Variants in AP2B1 observed in about 807,000 individuals in gnomAD.
AP2B1 encodes the protein adaptor related protein complex 2 subunit beta 1, also known as AP-2 complex subunit beta.
AP2B1 carries 23 observed loss-of-function variants against 102.0 expected under a neutral mutation model. The observed-to-expected ratio is 0.23, with a 90% confidence interval of 0.16 to 0.32. AP2B1 has a LOEUF of 0.32. Ranked by LOEUF, AP2B1 falls within the 10% of genes least tolerant of loss-of-function variation. AP2B1 has a pLI of 1.00. For missense variants in AP2B1, 541 were observed against 1,157.4 expected (o/e 0.47, Z 7.73); for synonymous variants, 381 against 421.2 (o/e 0.90, Z 1.17).
intron 18 of AP2B1, among the ~76,000 whole-genome samples, chr17:35,695,937 A>G (rs1183347478): frequency 6.6e-6 from 1 of 152,184 alleles, no homozygotes; most frequent in South Asian, 2.1e-4. Context: ...AGTAGGGTTT[A>G]CTGTTAAACT....
chr17:35,620,010 T>C (rs2074129278), intron 5 of AP2B1, among the ~76,000 whole-genome samples: 1 of 152,184 alleles, frequency 6.6e-6, no homozygotes, highest in Non-Finnish European at 1.5e-5. Context: ...GATCCCAAGC[T>C]TCTGGCCTCA....
intron 17 of AP2B1, among the ~76,000 whole-genome samples, chr17:35,677,865 T>C (rs376258952): frequency 4.0e-5 from 6 of 151,764 alleles, no homozygotes; most frequent in Non-Finnish European, 5.9e-5. Flanking sequence ...AAATAGTTTT[T>C]TTTTTTTTTT....
chr17:35,603,269 G>A (rs1349768143), intron 3 of AP2B1, among the ~76,000 whole-genome samples: 2 of 152,132 alleles, frequency 1.3e-5, no homozygotes, highest in African/African-American at 4.8e-5. Context: ...CTAGTAGCAA[G>A]ATGTTTAGCA....
chr17:35,653,771 C>T (rs1347880475), intron 13 of AP2B1, among the ~76,000 whole-genome samples: 1 of 152,050 alleles, frequency 6.6e-6, no homozygotes, highest in African/African-American at 2.4e-5. Flanking sequence ...CCACTGCGCC[C>T]GGCTGGAATA....
At chr17:35,687,430 G>T (rs1057345151) in intron 18 of AP2B1, among the ~76,000 whole-genome samples, 23 of 152,030 alleles carry the variant, frequency 1.5e-4, no homozygotes, top group African/African-American at 4.8e-4. Context: ...GGATTTTTCT[G>T]TTTTAGATAT....
At chr17:35,667,933 A>ATTTTT (rs34486349) in intron 14 of AP2B1, among the ~76,000 whole-genome samples, 6 of 120,180 alleles carry the variant, frequency 5.0e-5, no homozygotes, top group African/African-American at 1.3e-4. Flanking sequence ...CGCTGCTCAA[A>ATTTTT]TTTTTTTTTT....
At chr17:35,609,468 T>C (rs1241200203) in intron 5 of AP2B1, among the ~76,000 whole-genome samples, 5 of 151,958 alleles carry the variant, frequency 3.3e-5, no homozygotes, top group Non-Finnish European at 5.9e-5. Context: ...TGCCTCAGCC[T>C]TTTGAGTAGC....
At chr17:35,693,129 T>TC (rs2076073473) in intron 18 of AP2B1, among the ~76,000 whole-genome samples, 1 of 152,130 alleles carries the variant, frequency 6.6e-6, no homozygotes, top group African/African-American at 2.4e-5. Flanking sequence ...GTGATCCTCC[T>TC]CCCTCAGCCT....
chr17:35,650,798 G>T lies in AP2B1; in HGVS notation c.1796+9G>T, dbSNP rs1460114197. 1.4e-5 allele frequency: 23 copies of T among 1,612,946 alleles called. No individual in the cohort carries two copies. The highest frequency in any genetic ancestry group is 1.9e-5 in the Non-Finnish European group (22 of 1,178,950). On this transcript the variant is annotated intron_variant, in intron 13 of 21. Transcript: ENST00000610402. ...CCAATTCATCATGGGAGGTAAGAAG[G>T]TGTGAACTGTCTCTGAGTGAGAAAT...
chr17:35,645,508 A>G (rs1354435668), intron 12 of AP2B1, among the ~76,000 whole-genome samples: 1 of 152,172 alleles, frequency 6.6e-6, no homozygotes, highest in Non-Finnish European at 1.5e-5. Flanking sequence ...TTTTTCTCTT[A>G]CCTGTTACAC....
chr17:35,684,092 A>G (rs1016867142), intron 18 of AP2B1, among the ~76,000 whole-genome samples: 4 of 152,226 alleles, frequency 2.6e-5, no homozygotes, highest in African/African-American at 9.6e-5. Flanking sequence ...AGAAGCAAAT[A>G]CAAAGCAGCC....
chr17:35,642,375 G>C (rs2074807409), intron 12 of AP2B1, among the ~76,000 whole-genome samples: 1 of 152,182 alleles, frequency 6.6e-6, no homozygotes, highest in African/African-American at 2.4e-5. Context: ...CAGAGTAGTT[G>C]CCTTTCTCAC....
intron 10 of AP2B1, among the ~76,000 whole-genome samples, chr17:35,636,958 A>G (rs2074624268): frequency 6.6e-6 from 1 of 152,226 alleles, no homozygotes; most frequent in South Asian, 2.1e-4. Context: ...ATGTAACATT[A>G]TCAGTCTCAT....
intron 13 of AP2B1, among the ~76,000 whole-genome samples, chr17:35,651,250 G>A (rs2075078415): frequency 1.3e-5 from 2 of 151,732 alleles, no homozygotes; most frequent in Non-Finnish European, 2.9e-5. Context: ...CTGTAAAGCT[G>A]TTAATGAAAT....
chr17:35,604,023 T>C (rs2073576810), intron 3 of AP2B1, among the ~76,000 whole-genome samples: 1 of 152,152 alleles, frequency 6.6e-6, no homozygotes. Context: ...CTTCCACGAA[T>C]GGATTATCTA....
At chr17:35,607,869 C>A in intron 4 of AP2B1, 3 of 308,862 alleles carry the variant, frequency 9.7e-6, no homozygotes, top group Non-Finnish European at 1.8e-5. Context: ...ATGGTACGAA[C>A]TCCCTAAACC....
intron 18 of AP2B1, among the ~76,000 whole-genome samples, chr17:35,691,663 C>T (rs2285742): frequency 0.49 from 74,756 of 151,964 alleles, 18,421 homozygotes; most frequent in East Asian, 0.52. Flanking sequence ...TAGCGATTCC[C>T]ACGTCAGACA....
intron 18 of AP2B1, among the ~76,000 whole-genome samples, chr17:35,685,536 GA>G (rs368130903): frequency 6.0e-5 from 9 of 151,192 alleles, no homozygotes; most frequent in African/African-American, 7.3e-5. Flanking sequence ...ATAAAATTGG[GA>G]AAAAAAAATG....
chr17:35,706,586 G>A (rs2076344205), intron 18 of AP2B1, among the ~76,000 whole-genome samples: 1 of 151,718 alleles, frequency 6.6e-6, no homozygotes, highest in African/African-American at 2.4e-5. Context: ...ATAATCACTT[G>A]CATTTCACAT....
Sources: gnomAD v4.1 joint callset for allele counts (sites outside exome capture counted in the v4.1 genomes callset) on GRCh38, gnomAD v4.1.1 for gene constraint, MANE v1.5 for transcripts, NCBI Gene and HGNC (gene_info 2026-07-23, HGNC 2026-07-21) for gene names.